Variants in EML6 observed in about 807,000 individuals in gnomAD.
The protein encoded by EML6 is echinoderm microtubule-associated protein-like 6.
A neutral mutation model predicts 240.1 loss-of-function variants in EML6; 154 were observed. The observed-to-expected ratio is 0.64, with a 90% CI of 0.56 to 0.73. The LOEUF is 0.73. Ranked by LOEUF, EML6 falls within the 30% of genes least tolerant of loss-of-function variation. The pLI is 0.00. For synonymous variants in EML6, 1,148 were observed against 899.0 expected (o/e 1.28, Z -4.95); for missense variants, 2,964 against 2,474.6 (o/e 1.20, Z -4.20).
chr2:54,899,060 A>G (rs1173057841), intron 21 of EML6, among the ~76,000 whole-genome samples: 1 of 152,230 alleles, frequency 6.6e-6, no homozygotes, highest in African/African-American at 2.4e-5. Context: ...GAACAGACGC[A>G]GAACCTGGGC....
chr2:54,891,324 C>G (rs565108483), intron 18 of EML6, among the ~76,000 whole-genome samples, 170 bp downstream of exon 18: 1 of 152,340 alleles, frequency 6.6e-6, no homozygotes, highest in South Asian at 2.1e-4. Flanking sequence ...GCTTAGAACA[C>G]TCTATATGAC....
At chr2:54,865,265 C>T (rs930015557) in intron 13 of EML6, among the ~76,000 whole-genome samples, 4 of 149,146 alleles carry the variant, frequency 2.7e-5, no homozygotes, top group African/African-American at 7.4e-5. Flanking sequence ...AAAGTGGGAG[C>T]ATCACTTGAG....
At chr2:54,796,951 C>G (rs1669816942) in intron 2 of EML6, among the ~76,000 whole-genome samples, 1 of 151,808 alleles carries the variant, frequency 6.6e-6, no homozygotes, top group Non-Finnish European at 1.5e-5. Flanking sequence ...ATCTCGAGGT[C>G]AGGAGATCCA....
At chr2:54,941,440 C>G (rs1675422237) in intron 28 of EML6, among the ~76,000 whole-genome samples, 1 of 152,196 alleles carries the variant, frequency 6.6e-6, no homozygotes, top group East Asian at 1.9e-4. Context: ...CCAGCTCCTT[C>G]CTCAGCGTAG....
rs531966522 is a variant in EML6 at position 54,932,871 on chromosome 2, C to T, written c.4004+4120C>T. On this transcript the variant is annotated intron_variant, in intron 28 of 41. Coordinates refer to ENST00000356458, the MANE Select transcript of EML6 (RefSeq NM_001039753.4). ...TTCACGTTACCAAAGTCACACCTAG[C>T]TTACATACTGTTTTTTGATTTATAA... is the stretch of plus-strand genomic sequence containing the variant. 1.6e-4 allele frequency among the ~76,000 whole-genome samples: 25 copies of T among 152,264 alleles called. No individual in the cohort carries two copies. The South Asian group carries it at 4.8e-3, about 29-fold the overall frequency.
intron 17 of EML6, among the ~76,000 whole-genome samples, chr2:54,884,059 A>G (rs563516826): frequency 6.6e-6 from 1 of 152,262 alleles, no homozygotes; most frequent in East Asian, 1.9e-4. Flanking sequence ...TTTGCTGAGT[A>G]TTCTCTAGTT....
Position 54,903,090 on chromosome 2 carries a change from T to A in EML6, c.3171T>A (p.Val1057=). The change falls in exon 23 of 42, where the codon GTT becomes GTA. Residue 1057 remains valine (V), a synonymous_variant. Transcript: ENST00000356458. The part of the protein sequence containing the change: ...AFSPDGKALA[V]GLNDGSFLVV... Reference sequence around the variant, plus strand: ...CCCCTGATGGGAAAGCCTTAGCGGTTGGCTTGAACGATGGGAGTTTCCTGG... The same window carrying A: ...CCCCTGATGGGAAAGCCTTAGCGGTAGGCTTGAACGATGGGAGTTTCCTGG... 6.4e-7 allele frequency: 1 copy of A among 1,551,846 alleles called. No homozygotes were observed. Among genetic ancestry groups the A allele is most frequent in the Non-Finnish European group, 8.7e-7 (1 of 1,147,008 alleles).
At position 54,829,351 on chromosome 2, in the gene EML6, T is replaced by C; in HGVS notation, c.721T>C (p.Phe241Leu). Residue 241 changes from phenylalanine (F) to leucine (L), a missense_variant, in exon 7 of 42, where the codon TTT becomes CTT. By Grantham distance (22) the Phe-to-Leu change is conservative. Transcript: ENST00000356458. ...CTGTTTTAATCAACAGGCTGGAATC[T>C]TTAGCATGTATGCTTGTGAAGAAGG... ...TIQGAHSAGI[F>L]SMYACEEGFA... 6.4e-7 allele frequency: 1 copy of C among 1,551,740 alleles called. No individual in the cohort carries two copies. The highest frequency in any genetic ancestry group is 8.7e-7 in the Non-Finnish European group (1 of 1,146,920).
chr2:54,795,809 C>G (rs1171503018), intron 2 of EML6, among the ~76,000 whole-genome samples: 2 of 152,152 alleles, frequency 1.3e-5, no homozygotes, highest in African/African-American at 2.4e-5. Context: ...GGTGAAAACG[C>G]TGATGAATGC....
At chr2:54,931,200 G>A (rs953998539) in intron 28 of EML6, among the ~76,000 whole-genome samples, 5 of 151,552 alleles carry the variant, frequency 3.3e-5, no homozygotes, top group Admixed American at 3.3e-4. Context: ...CTCGTGATCC[G>A]CCCGCCTCGG....
Position 54,779,917 on chromosome 2 carries a change from G to A in EML6, c.198-33315G>A, listed in dbSNP as rs111356884. 1.7e-3 allele frequency among the ~76,000 whole-genome samples: 257 copies of A among 149,686 alleles called. 1 individual carries two copies. The highest frequency in any genetic ancestry group is 5.9e-3 in the African/African-American group (239 of 40,808). On this transcript the variant is annotated intron_variant, in intron 2 of 41. Transcript: ENST00000356458. Reference sequence around the variant, plus strand: ...AGGAAGGCAGGAGGGAGGGGAGAGAGGGAGAGAGGGAAAAAATATCTTTAC... The same window carrying A: ...AGGAAGGCAGGAGGGAGGGGAGAGAAGGAGAGAGGGAAAAAATATCTTTAC...
Position 54,771,217 on chromosome 2 carries a change from A to G in EML6, c.198-42015A>G, listed in dbSNP as rs552488398. On this transcript the variant is annotated intron_variant, in intron 2 of 41. Transcript: ENST00000356458. Reference sequence around the variant, plus strand: ...TACAGTTTAGGCTCTCTACCTTCTCACCAGATCATCCCTAAAGCCTTTAAC... The same window carrying G: ...TACAGTTTAGGCTCTCTACCTTCTCGCCAGATCATCCCTAAAGCCTTTAAC... Among the ~76,000 whole-genome samples the G allele has an allele frequency of 3.3e-5, 5 of 152,224 alleles. No homozygotes were observed. The East Asian group carries it at 7.7e-4, about 24-fold the overall frequency.
At chr2:54,839,155 G>T (rs1669311091) in intron 7 of EML6, among the ~76,000 whole-genome samples, 1 of 152,192 alleles carries the variant, frequency 6.6e-6, no homozygotes, top group African/African-American at 2.4e-5. Flanking sequence ...CAGGAGAAGG[G>T]AATTAATGTC....
intron 16 of EML6, among the ~76,000 whole-genome samples, chr2:54,874,028 T>C (rs754643767): frequency 2.0e-4 from 30 of 152,264 alleles, no homozygotes; most frequent in Non-Finnish European, 4.3e-4. Flanking sequence ...TAGAGTAATA[T>C]AAATAGAATT....
intron 3 of EML6, among the ~76,000 whole-genome samples, 158 bp from the exon 4 acceptor site, chr2:54,816,629 T>C (rs749748928): frequency 6.6e-6 from 1 of 152,232 alleles, no homozygotes; most frequent in Non-Finnish European, 1.5e-5. Context: ...TCATCATCTA[T>C]TGTGTTATTT....
chr2:54,810,033 A>T lies in EML6; in HGVS notation c.198-3199A>T, dbSNP rs185388942. 1.7e-3 allele frequency among the ~76,000 whole-genome samples: 266 copies of T among 152,324 alleles called. 2 individuals are homozygous for T. Among genetic ancestry groups the T allele is most frequent in the Non-Finnish European group, 2.9e-3 (198 of 68,028 alleles). On this transcript the variant is annotated intron_variant, in intron 2 of 41. Transcript: ENST00000356458. ...GACATGGACATAGATAAATGGTAAC[A>T]TTATGAGTCACTCTAAGCAATCATG...
chr2:54,967,004 C>A lies in EML6; in HGVS notation c.5498C>A (p.Ser1833Ter). Residue 1833 changes from serine to a stop codon, truncating the protein, a stop_gained, in exon 39 of 42, where the codon TCA (serine) becomes TAA (stop). Coordinates refer to ENST00000356458, the MANE Select transcript of EML6 (RefSeq NM_001039753.4). LOFTEE classifies it high-confidence loss of function. ...FSADGKYIQV[S>*]TGAYKRQVHE... ...TGGCTTCCCTTCTACCTACAGGTGT[C>A]AACAGGTGCCTATAAGCGCCAGGTG... The A allele has an allele frequency of 6.5e-7, 1 of 1,549,580 alleles. No homozygotes were observed. Among genetic ancestry groups the A allele is most frequent in the South Asian group, 1.2e-5 (1 of 83,958 alleles).
chr2:54,823,876 CTTTCTG>C lies in EML6; in HGVS notation c.525+3416_525+3421del, dbSNP rs752901036. Among the ~76,000 whole-genome samples the C allele has an allele frequency of 2.7e-3, 378 of 141,966 alleles. 4 individuals are homozygous for C. Among genetic ancestry groups the C allele is most frequent in the African/African-American group, 7.5e-3 (280 of 37,508 alleles). 93.1% of individuals were successfully genotyped at this position (141,966 alleles called of 152,430 possible). ...TCTCTCTCTCTCTCTCTCTCTCTCT[CTTTCTG>C]TCTCTCTCTCTCTCTCTCAGAGAGA... On this transcript the variant is annotated intron_variant, in intron 5 of 41. Transcript: ENST00000356458.
intron 2 of EML6, among the ~76,000 whole-genome samples, chr2:54,812,440 A>T (rs961263098): frequency 2.0e-5 from 3 of 152,162 alleles, no homozygotes; most frequent in African/African-American, 7.2e-5. Context: ...CTAGTTTGCT[A>T]TATAGGTAAT....
Sources: allele counts gnomAD v4.1 joint callset (sites outside exome capture counted in the v4.1 genomes callset), GRCh38; gene constraint gnomAD v4.1.1; transcripts MANE v1.5; gene names NCBI Gene and HGNC (gene_info 2026-07-23, HGNC 2026-07-21).